The following PRKDC variants were observed in gnomAD, a reference collection of about 807,000 sequenced individuals.
The protein encoded by PRKDC is protein kinase, DNA-activated, catalytic subunit.
In PRKDC, 82 loss-of-function variants were observed where a neutral mutation model predicts 486.9. The observed-to-expected ratio is 0.17, with a 90% CI of 0.14 to 0.20. The LOEUF (loss-of-function observed/expected upper bound fraction) is 0.20, where lower values mean the gene tolerates loss of function less well. PRKDC is among the 10% of genes least tolerant of loss of function. PRKDC has a pLI of 1.00. For synonymous variants in PRKDC, 1,895 were observed against 1,837.0 expected, an observed-to-expected ratio of 1.03 and a Z score of -0.81; for missense variants, 4,504 against 5,038.2, an observed-to-expected ratio of 0.89 and a Z score of 3.21.
chr8:47,804,607 C>A (rs1176475955), intron 69 of PRKDC, among the ~76,000 whole-genome samples: 1 of 152,004 alleles, frequency 6.6e-6, no homozygotes, highest in Non-Finnish European at 1.5e-5. Context: ...GCTGGACATG[C>A]CACATCTTAT....
chr8:47,811,199 T>C (rs2087318896), intron 68 of PRKDC, among the ~76,000 whole-genome samples: 1 of 152,036 alleles, frequency 6.6e-6, no homozygotes, highest in Admixed American at 6.6e-5. Flanking sequence ...ATATGACACA[T>C]TACATGTGGG....
intron 67 of PRKDC, 116 bp downstream of exon 67, chr8:47,819,286 G>T: frequency 3.2e-6 from 2 of 617,700 alleles, no homozygotes; most frequent in Non-Finnish European, 2.8e-6. Context: ...GAAATTCGAT[G>T]GAGTTTCCAA....
In PRKDC at chr8:47,893,311, C is replaced by T. The variant is rs763655576; in HGVS notation, c.3675G>A (p.Glu1225=). The change falls in exon 31 of 86, where the codon GAG becomes GAA. Residue 1225 remains glutamate (E), a synonymous_variant. Transcript: ENST00000314191. The part of the protein sequence containing the change: ...EGVSFLINTF[E]GGGCGQPSGI... ...CCGAGGGCTGGCCACAGCCACCCCC[C>T]TCAAAGGTGTTGATGAGAAAAGAGA... 169 of 1,603,966 alleles carry T rather than the reference C, an allele frequency of 1.1e-4. No homozygotes were observed. The highest frequency in any genetic ancestry group is 3.4e-4 in the Admixed American group (20 of 59,292).
At chr8:47,924,351 G>C (rs1436900979) in intron 21 of PRKDC, among the ~76,000 whole-genome samples, 2 of 152,054 alleles carry the variant, frequency 1.3e-5, no homozygotes, top group Non-Finnish European at 1.5e-5. Flanking sequence ...TTGAGGTCAG[G>C]AGTTCGAGAC....
Position 47,927,815 on chromosome 8 carries a change from T to A in PRKDC, c.2215A>T (p.Asn739Tyr). The A allele has an allele frequency of 1.3e-6, 2 of 1,592,760 alleles. No individual in the cohort carries two copies. The highest frequency in any genetic ancestry group is 1.7e-4 in the Middle Eastern group (1 of 5,978). ...GCTCTAACATCGAGTTCAATGATGT[T>A]GTGTGGCAAGGACAGAAGAAAGGTC... ...CLTFLLSLPH[N>Y]IIELDVRAYV... The change falls in exon 20 of 86, where the codon AAC becomes TAC. Residue 739 changes from asparagine (N) to tyrosine (Y), a missense_variant. Asn to Tyr is a moderately radical substitution (Grantham distance 143, BLOSUM62 -2). Around this residue, in one of 6 missense-constraint regions of PRKDC, gnomAD observed 1,969 missense variants for 2,068.9 expected, o/e 0.95. Transcript: ENST00000314191.
At chr8:47,870,949 T>G (rs1281193342) in intron 40 of PRKDC, among the ~76,000 whole-genome samples, 1 of 152,190 alleles carries the variant, frequency 6.6e-6, no homozygotes, top group Non-Finnish European at 1.5e-5. Flanking sequence ...TACTGAAGAA[T>G]GCACTGGAGT....
chr8:47,837,495 G>T, intron 56 of PRKDC, 76 bp from the exon 57 acceptor site: 2 of 1,182,892 alleles, frequency 1.7e-6, no homozygotes, highest in Non-Finnish European at 2.4e-6. Context: ...AGGGTGTCCT[G>T]TGGAGAAGGC....
chr8:47,863,544 T>G lies in PRKDC; in HGVS notation c.5605A>C (p.Lys1869Gln). The G allele has an allele frequency of 6.2e-7, 1 of 1,612,726 alleles. No homozygotes were observed. The highest frequency in any genetic ancestry group is 8.5e-7 in the Non-Finnish European group (1 of 1,179,202). ...AGAATCTTATAGTAGCCCATCTTCT[T>G]GGTGATTTGAGTATCAAAGGTAGAT... ...NESTFDTQIT[K>Q]KMGYYKILDV... The change falls in exon 42 of 86, where the codon AAG becomes CAG. Residue 1869 changes from lysine (K) to glutamine (Q), a missense_variant. Lys to Gln is a moderately conservative substitution (Grantham distance 53). Coordinates refer to ENST00000314191, the MANE Select transcript of PRKDC (RefSeq NM_006904.7).
At position 47,887,536 on chromosome 8, in the gene PRKDC, GTTTT is replaced by G; in HGVS notation, c.4572+7_4572+10del. On this transcript the variant is annotated splice_region_variant and intron_variant, in intron 35 of 85. Coordinates refer to ENST00000314191, the MANE Select transcript of PRKDC (RefSeq NM_006904.7). ...TTAGGGGAGTGCAGCATGCAGAGGC[GTTTT>G]TCCTACCAGTCCTCCAAAAGCAAAG... 1 of 1,565,776 alleles carries G rather than the reference GTTTT, an allele frequency of 6.4e-7. No individual in the cohort carries two copies. Among genetic ancestry groups the G allele is most frequent in the East Asian group, 2.3e-5 (1 of 43,168 alleles).
chr8:47,864,838 G>C (rs1447559788), intron 40 of PRKDC, 75 bp from the exon 41 acceptor site: 1 of 1,271,098 alleles, frequency 7.9e-7, no homozygotes, highest in Non-Finnish European at 1.1e-6. Context: ...CTACATAACA[G>C]GCAAAGTAAA....
intron 80 of PRKDC, among the ~76,000 whole-genome samples, chr8:47,780,687 C>A (rs180866947): frequency 7.2e-5 from 11 of 152,260 alleles, no homozygotes; most frequent in Non-Finnish European, 1.6e-4. Flanking sequence ...GGCCTGTAAT[C>A]CCAGTACTTT....
At chr8:47,807,711 C>T (rs1287012495) in intron 68 of PRKDC, among the ~76,000 whole-genome samples, 1 of 148,508 alleles carries the variant, frequency 6.7e-6, no homozygotes, top group African/African-American at 2.5e-5. Context: ...AGCCACCGCA[C>T]CCGGCCTACT....
intron 21 of PRKDC, among the ~76,000 whole-genome samples, chr8:47,923,294 AC>A (rs2090103475): frequency 1.3e-5 from 2 of 151,932 alleles, no homozygotes; most frequent in South Asian, 4.2e-4. Context: ...CAAACTCCTG[AC>A]CTCAGGTGAT....
Position 47,817,577 on chromosome 8 carries a change from G to C in PRKDC, c.9446-16C>G. ...GATAAATTGCCTAAAAATAGTATTA[G>C]AGGGTGACTATACACACAGCTCAAT... On this transcript the variant is annotated splice_polypyrimidine_tract_variant and intron_variant, in intron 67 of 85. Transcript: ENST00000314191. The C allele has an allele frequency of 6.8e-7, 1 of 1,472,790 alleles. No homozygotes were observed. The highest frequency in any genetic ancestry group is 9.4e-7 in the Non-Finnish European group (1 of 1,063,978). The allele number at this position is 1,472,790 out of a possible 1,614,324, so 91.2% of individuals were successfully genotyped here.
At chr8:47,858,231 C>T (rs1010750329) in intron 48 of PRKDC, among the ~76,000 whole-genome samples, 2 of 148,266 alleles carry the variant, frequency 1.3e-5, no homozygotes, top group Non-Finnish European at 3.0e-5. Context: ...AGAACGTTGG[C>T]AGCCGTAAGA....
intron 64 of PRKDC, 72 bp downstream of exon 64, chr8:47,823,786 C>G: frequency 6.4e-7 from 1 of 1,558,648 alleles, no homozygotes; most frequent in South Asian, 1.1e-5. Context: ...CCTCGTTTTG[C>G]TTAAAGTCAT....
chr8:47,919,956 C>A (rs959755808), intron 21 of PRKDC, among the ~76,000 whole-genome samples: 1 of 152,056 alleles, frequency 6.6e-6, no homozygotes. Context: ...CCTGACCCAC[C>A]CAGGGCAGAA....
intron 27 of PRKDC, among the ~76,000 whole-genome samples, chr8:47,900,726 G>A (rs1027080938): frequency 8.6e-5 from 13 of 152,014 alleles, no homozygotes; most frequent in African/African-American, 1.7e-4. Flanking sequence ...GCAGGCGCCT[G>A]TAGCCCCAGC....
intron 22 of PRKDC, among the ~76,000 whole-genome samples, chr8:47,916,285 T>C (rs1184332407): frequency 6.6e-6 from 1 of 151,966 alleles, no homozygotes; most frequent in Non-Finnish European, 1.5e-5. Flanking sequence ...CCGTCTCTAC[T>C]AAAAATAAAA....
Sources: gnomAD v4.1 joint callset for allele counts (sites outside exome capture counted in the v4.1 genomes callset) on GRCh38, gnomAD v4.1.1 for gene constraint, gnomAD v4.1.1 regional missense constraint, MANE v1.5 for transcripts, NCBI Gene and HGNC (gene_info 2026-07-23, HGNC 2026-07-21) for gene names.